The following CCDC171 variants were observed in gnomAD, a reference collection of about 807,000 sequenced individuals.
CCDC171 encodes coiled-coil domain-containing protein 171.
Under a neutral mutation model 168.2 loss-of-function variants are expected in CCDC171, and 177 were observed. The observed-to-expected ratio is 1.05, with a 90% CI of 0.93 to 1.19. The LOEUF (loss-of-function observed/expected upper bound fraction) is 1.19. Among genes scored for constraint, CCDC171 ranks in the 50% most tolerant of loss-of-function variants. CCDC171 has a pLI of 0.00. For synonymous variants in CCDC171, 687 were observed against 540.8 expected, an observed-to-expected ratio of 1.27 and a Z score of -3.75; for missense variants, 1,991 against 1,539.0, an observed-to-expected ratio of 1.29 and a Z score of -4.91.
At chr9:15,921,805 A>G (rs907140297) in intron 25 of CCDC171, among the ~76,000 whole-genome samples, 2 of 151,628 alleles carry the variant, frequency 1.3e-5, no homozygotes, top group African/African-American at 4.8e-5. Context: ...AATTTATTCT[A>G]GCCTTTTTCA....
At chr9:15,884,563 A>C (rs1042936180) in intron 24 of CCDC171, among the ~76,000 whole-genome samples, 3 of 152,176 alleles carry the variant, frequency 2.0e-5, no homozygotes, top group Non-Finnish European at 4.4e-5. Context: ...GAAAAGTTGA[A>C]ATAATTTCAT....
At position 15,804,969 on chromosome 9, in the gene CCDC171, T is replaced by C. The variant is rs550625573; in HGVS notation, c.3267+20275T>C. 4.9e-4 allele frequency among the ~76,000 whole-genome samples: 75 copies of C among 152,272 alleles called. 1 individual carries two copies. In the South Asian group the frequency reaches 0.016, roughly 32 times the overall value. On this transcript the variant is annotated intron_variant, in intron 21 of 25. Transcript: ENST00000380701. ...TCTATTCAGGGATTCAATTTCTTCC[T>C]GTTTCAGTCTTGGGAGGGTATATGT...
At chr9:16,050,036 G>A (rs900824746) in intron 1 of CCDC171, among the ~76,000 whole-genome samples, 1 of 152,112 alleles carries the variant, frequency 6.6e-6, no homozygotes, top group African/African-American at 2.4e-5. Flanking sequence ...ACAGGCGCAT[G>A]CCACCACACC....
intron 6 of CCDC171, among the ~76,000 whole-genome samples, chr9:15,612,037 A>G (rs1412847407): frequency 6.6e-6 from 1 of 152,196 alleles, no homozygotes; most frequent in Non-Finnish European, 1.5e-5. Context: ...CACAGATAGA[A>G]AGCATCCTCT....
intron 21 of CCDC171, among the ~76,000 whole-genome samples, chr9:15,839,574 A>T (rs2060587554): frequency 6.6e-6 from 1 of 152,202 alleles, no homozygotes; most frequent in South Asian, 2.1e-4. Context: ...GAATCAAATG[A>T]ACTAATGTAA....
intron 24 of CCDC171, among the ~76,000 whole-genome samples, chr9:15,912,066 G>A (rs1554678371): frequency 6.6e-6 from 1 of 152,026 alleles, no homozygotes; most frequent in Admixed American, 6.6e-5. Flanking sequence ...TTAAAGTAGT[G>A]TTTTTCTAAC....
At chr9:15,574,497 G>T (rs276452) in intron 3 of CCDC171, among the ~76,000 whole-genome samples, 15,644 of 151,544 alleles carry the variant, frequency 0.1, 1,159 homozygotes, top group African/African-American at 0.21. Flanking sequence ...CAGGCTGGTC[G>T]CGAACTCCTG....
chr9:15,654,262 G>A lies in CCDC171; in HGVS notation c.823-2865G>A, dbSNP rs1048975442. On this transcript the variant is annotated intron_variant, in intron 7 of 25. Coordinates refer to ENST00000380701, the MANE Select transcript of CCDC171 (RefSeq NM_173550.4). ...AGCTCATTAAGAAATATTTTCCATA[G>A]GGTTGTAGAATCTAAATAAAGCAAA... is the stretch of plus-strand genomic sequence containing the variant. Among the ~76,000 whole-genome samples the A allele has an allele frequency of 7.9e-5, 12 of 151,178 alleles. No homozygotes were observed. The East Asian group carries it at 1.9e-3, about 24-fold the overall frequency.
chr9:15,902,944 C>A (rs1821929426), intron 24 of CCDC171, among the ~76,000 whole-genome samples: 1 of 152,232 alleles, frequency 6.6e-6, no homozygotes, highest in African/African-American at 2.4e-5. Flanking sequence ...GCAAGCACAG[C>A]AGTCTGAGAT....
At chr9:15,604,842 T>C (rs1177781488) in intron 6 of CCDC171, among the ~76,000 whole-genome samples, 2 of 152,198 alleles carry the variant, frequency 1.3e-5, no homozygotes, top group East Asian at 3.8e-4. Context: ...CAGAATAGTA[T>C]GCAAATACAC....
At chr9:15,839,111 A>G (rs1420657821) in intron 21 of CCDC171, among the ~76,000 whole-genome samples, 1 of 152,142 alleles carries the variant, frequency 6.6e-6, no homozygotes, top group Non-Finnish European at 1.5e-5. Context: ...ACAAATATTT[A>G]TTTTTTATTA....
At chr9:15,913,877 T>G (rs554132603) in intron 24 of CCDC171, among the ~76,000 whole-genome samples, 2 of 152,352 alleles carry the variant, frequency 1.3e-5, no homozygotes, top group Admixed American at 1.3e-4. Flanking sequence ...TGTTTGTTAG[T>G]TTTCCTTCTA....
At chr9:15,693,246 T>C (rs1210850904) in intron 10 of CCDC171, among the ~76,000 whole-genome samples, 2 of 152,096 alleles carry the variant, frequency 1.3e-5, no homozygotes, top group Admixed American at 6.5e-5. Context: ...TTCACACATA[T>C]GGCAGTATAT....
chr9:15,556,367 G>T (rs1444092406), intron 1 of CCDC171, among the ~76,000 whole-genome samples: 1 of 152,122 alleles, frequency 6.6e-6, no homozygotes, highest in Non-Finnish European at 1.5e-5. Flanking sequence ...CGGTGTAAAA[G>T]TGTTCCTATT....
At chr9:16,059,640 G>T (rs1451388561) in intron 1 of CCDC171, among the ~76,000 whole-genome samples, 1 of 148,564 alleles carries the variant, frequency 6.7e-6, no homozygotes, top group Non-Finnish European at 1.5e-5. Flanking sequence ...TCAGCCTCCC[G>T]AGTAGCTGGG....
chr9:15,626,406 A>G (rs1226988471), intron 7 of CCDC171, among the ~76,000 whole-genome samples: 1 of 152,168 alleles, frequency 6.6e-6, no homozygotes, highest in Non-Finnish European at 1.5e-5. Flanking sequence ...TTCAAAGGGA[A>G]TGCTTCCAGT....
At chr9:15,927,232 C>T (rs764884975) in intron 25 of CCDC171, among the ~76,000 whole-genome samples, 2 of 151,468 alleles carry the variant, frequency 1.3e-5, no homozygotes, top group Non-Finnish European at 3.0e-5. Flanking sequence ...TTAACTTTTC[C>T]GGTATGTTGG....
chr9:15,713,698 C>G (rs2052858509), intron 11 of CCDC171, among the ~76,000 whole-genome samples: 1 of 152,090 alleles, frequency 6.6e-6, no homozygotes, highest in South Asian at 2.1e-4. Context: ...AAAGTTTACA[C>G]TATGATCCAC....
chr9:15,571,595 A>G, intron 2 of CCDC171, 29 bp from the exon 3 acceptor site: 1 of 1,493,526 alleles, frequency 6.7e-7, no homozygotes, highest in Non-Finnish European at 8.9e-7. Flanking sequence ...TGAGAAGCAT[A>G]TACATTTTAC....
Sources: allele counts gnomAD v4.1 joint callset (sites outside exome capture counted in the v4.1 genomes callset), GRCh38; gene constraint gnomAD v4.1.1; transcripts MANE v1.5; gene names NCBI Gene and HGNC (gene_info 2026-07-23, HGNC 2026-07-21).